Variants in PLEKHA6 observed in about 807,000 individuals in gnomAD.
PLEKHA6 encodes the protein pleckstrin homology domain containing A6, also known as pleckstrin homology domain-containing family A member 6.
In PLEKHA6, 60 loss-of-function variants were observed where a neutral mutation model predicts 116.7. The observed-to-expected ratio is 0.51, with a 90% CI of 0.42 to 0.64. The LOEUF (loss-of-function observed/expected upper bound fraction) is 0.64, where lower values mean the gene tolerates loss of function less well. Ranked by LOEUF, PLEKHA6 falls within the 30% of genes least tolerant of loss-of-function variation. The pLI, the probability that PLEKHA6 is intolerant of heterozygous loss-of-function variation, is 0.00. For synonymous variants in PLEKHA6, 489 were observed against 556.1 expected (o/e 0.88, Z 1.70); for missense variants, 1,338 against 1,422.7 (o/e 0.94, Z 0.96).
At chr1:204,246,184 A>T (rs1212564516) in intron 13 of PLEKHA6, among the ~76,000 whole-genome samples, 1 of 152,190 alleles carries the variant, frequency 6.6e-6, no homozygotes, top group Non-Finnish European at 1.5e-5. Context: ...TGACAGTCTA[A>T]AAGGTAAGAC....
intron 2 of PLEKHA6, 127 bp from the exon 3 acceptor site, chr1:204,273,867 C>A: frequency 1.5e-6 from 1 of 671,044 alleles, no homozygotes; most frequent in Non-Finnish European, 2.7e-6. Flanking sequence ...CTCTTGAGTG[C>A]CATTGAGGGG....
rs1665578784 is a variant in PLEKHA6, at chr1:204,257,928, C to G, written c.1008-59G>C. ...CAACACGGGCACCCCTCCACCCACC[C>G]CAGCCCCACCTCCAGGTCCCCCAGC... On this transcript the variant is annotated intron_variant, in intron 8 of 22. Coordinates refer to ENST00000272203, the MANE Select transcript of PLEKHA6 (RefSeq NM_014935.5). This position sits in a 1 kb window ranked among gnomAD's most constrained non-coding sequence, Gnocchi z 6.5. 2.0e-6 allele frequency: 3 copies of G among 1,489,772 alleles called. No homozygotes were observed. The highest frequency in any genetic ancestry group is 3.8e-5 in the Admixed American group (2 of 53,022). 92.3% of individuals were successfully genotyped at this position (1,489,772 alleles called of 1,614,324 possible).
chr1:204,225,867 C>T (rs1286264338), intron 21 of PLEKHA6, among the ~76,000 whole-genome samples: 1 of 152,202 alleles, frequency 6.6e-6, no homozygotes, highest in Non-Finnish European at 1.5e-5. Flanking sequence ...ATGACCAGAT[C>T]CAGACACTGC....
chr1:204,274,681 A>G, intron 2 of PLEKHA6, 48 bp downstream of exon 2: 1 of 985,832 alleles, frequency 1.0e-6, no homozygotes, highest in Non-Finnish European at 1.2e-6. Context: ...GTGGGATGGT[A>G]GTGGTTAAGG....
At chr1:204,338,928 C>T (rs921338275) in intron 1 of PLEKHA6, among the ~76,000 whole-genome samples, 1 of 152,212 alleles carries the variant, frequency 6.6e-6, no homozygotes, top group African/African-American at 2.4e-5. Context: ...GCTGTTCCCT[C>T]CCATTGGGAA....
chr1:204,337,462 C>T (rs954256728), intron 1 of PLEKHA6, among the ~76,000 whole-genome samples: 2 of 152,152 alleles, frequency 1.3e-5, no homozygotes, highest in Non-Finnish European at 2.9e-5. Context: ...AATGGGGCTC[C>T]TACATGCTCT....
At chr1:204,344,291 C>T (rs1672950011) in intron 1 of PLEKHA6, among the ~76,000 whole-genome samples, 2 of 152,052 alleles carry the variant, frequency 1.3e-5, no homozygotes, top group Non-Finnish European at 2.9e-5. Context: ...GAAAATAGCC[C>T]GCTCCTTCTC....
chr1:204,224,307 G>A (rs948954073), intron 21 of PLEKHA6, among the ~76,000 whole-genome samples: 28 of 151,872 alleles, frequency 1.8e-4, no homozygotes, highest in African/African-American at 6.5e-4. Flanking sequence ...GAGAAGGGGA[G>A]ACTTATTACT....
chr1:204,352,117 T>TAACCCC (rs1341977615), intron 1 of PLEKHA6, among the ~76,000 whole-genome samples: 1 of 151,642 alleles, frequency 6.6e-6, no homozygotes, highest in East Asian at 1.9e-4. Flanking sequence ...CTCACACCTG[T>TAACCCC]AACCCCAGCA....
intron 3 of PLEKHA6, among the ~76,000 whole-genome samples, chr1:204,273,074 C>T (rs1378928761): frequency 6.6e-6 from 1 of 152,168 alleles, no homozygotes; most frequent in Non-Finnish European, 1.5e-5. Context: ...AGGACACTTT[C>T]AGCCTTTGTC....
Position 204,247,137 on chromosome 1 carries a change from A to G in PLEKHA6, c.1920+228T>C, listed in dbSNP as rs1306021915. ...GGGCAACAGAGCAAGACCCCATCCCAAGAGGAAAAAAAATCCTTTCAGTCA... is the reference window on the plus strand; with the variant it reads ...GGGCAACAGAGCAAGACCCCATCCCGAGAGGAAAAAAAATCCTTTCAGTCA... On this transcript the variant is annotated intron_variant, in intron 13 of 22. Coordinates refer to ENST00000272203, the MANE Select transcript of PLEKHA6 (RefSeq NM_014935.5). Among the ~76,000 whole-genome samples the G allele has an allele frequency of 3.9e-5, 6 of 152,136 alleles. 1 individual carries two copies. The highest frequency in any genetic ancestry group is 1.4e-4 in the African/African-American group (6 of 41,432).
In PLEKHA6 at chr1:204,251,469, G is replaced by T; in HGVS notation, c.1525-855C>A. 5.8e-6 allele frequency: 4 copies of T among 690,006 alleles called. No homozygotes were observed. The South Asian group carries it at 6.1e-5, about 11-fold the overall frequency. 42.7% of individuals were successfully genotyped at this position (690,006 alleles called of 1,614,324 possible). A position where few individuals can be genotyped will look rare whatever the true frequency, so the allele number is the denominator to read the frequency against. Reference sequence around the variant, plus strand: ...GAGCCTCATCCTAGATGGGCAACTCGACCATGCACAAGCAGCTGAAATGGC... The same window carrying T: ...GAGCCTCATCCTAGATGGGCAACTCTACCATGCACAAGCAGCTGAAATGGC... On this transcript the variant is annotated intron_variant, in intron 9 of 22. Coordinates refer to ENST00000272203, the MANE Select transcript of PLEKHA6 (RefSeq NM_014935.5).
intron 1 of PLEKHA6, among the ~76,000 whole-genome samples, chr1:204,293,377 C>T (rs1054123961): frequency 2.6e-5 from 4 of 152,242 alleles, no homozygotes; most frequent in Non-Finnish European, 2.9e-5. Context: ...TCAGGTGATC[C>T]GCCCGCCTTG....
chr1:204,338,107 C>G (rs1023757802), intron 1 of PLEKHA6, among the ~76,000 whole-genome samples: 1 of 152,116 alleles, frequency 6.6e-6, no homozygotes, highest in Non-Finnish European at 1.5e-5. Context: ...CTTAAATTCC[C>G]GAAGACCTAG....
chr1:204,313,729 T>C (rs942202838), intron 1 of PLEKHA6: 2 of 984,554 alleles, frequency 2.0e-6, no homozygotes, highest in African/African-American at 3.5e-5. Context: ...CTATCTGTCA[T>C]CTCCCTGGGA....
chr1:204,308,295 T>C (rs1177359338), intron 1 of PLEKHA6, among the ~76,000 whole-genome samples: 2 of 152,186 alleles, frequency 1.3e-5, no homozygotes, highest in East Asian at 1.9e-4. Context: ...CAGTGGCTCA[T>C]GCCTATAATC....
At chr1:204,286,015 G>A (rs1449807098) in intron 1 of PLEKHA6, among the ~76,000 whole-genome samples, 1 of 152,102 alleles carries the variant, frequency 6.6e-6, no homozygotes, top group Admixed American at 6.5e-5. Context: ...GGTAGAGGAA[G>A]TACCACCAAG....
chr1:204,341,500 A>G (rs1448955072), intron 1 of PLEKHA6, among the ~76,000 whole-genome samples: 1 of 152,202 alleles, frequency 6.6e-6, no homozygotes, highest in African/African-American at 2.4e-5. Flanking sequence ...AGCTATAACC[A>G]GTTCATCTGA....
upstream of PLEKHA6, among the ~76,000 whole-genome samples, chr1:204,363,894 AC>A: frequency 6.6e-6 from 1 of 152,190 alleles, no homozygotes; most frequent in Non-Finnish European, 1.5e-5. Flanking sequence ...CGTTTCTCCC[AC>A]GTTTTAACCT....
Sources: gnomAD v4.1 joint callset for allele counts (sites outside exome capture counted in the v4.1 genomes callset) on GRCh38, gnomAD v4.1.1 for gene constraint, Gnocchi (gnomAD v3.1) non-coding constraint, MANE v1.5 for transcripts, NCBI Gene and HGNC (gene_info 2026-07-23, HGNC 2026-07-21) for gene names.